Variants in BTBD9 observed in about 807,000 individuals in gnomAD.
The protein encoded by BTBD9 is BTB/POZ domain-containing protein 9.
BTBD9 carries 49 observed loss-of-function variants against 64.3 expected under a neutral mutation model. The ratio of observed to expected loss-of-function variants is 0.76; its 90% CI spans 0.61 to 0.97. The LOEUF is 0.97. Ranked by LOEUF, BTBD9 falls within the 50% of genes least tolerant of loss-of-function variation. The pLI is 0.00. For synonymous variants in BTBD9, 260 were observed against 274.7 expected (o/e 0.95, Z 0.53); for missense variants, 598 against 762.1 (o/e 0.78, Z 2.53).
intron 6 of BTBD9, among the ~76,000 whole-genome samples, chr6:38,532,964 A>G (rs1006765261): frequency 8.6e-5 from 13 of 152,012 alleles, no homozygotes; most frequent in African/African-American, 3.1e-4. Flanking sequence ...CTTCACTAAA[A>G]GGAAGACAGG....
chr6:38,495,362 T>A (rs368372140), intron 6 of BTBD9, among the ~76,000 whole-genome samples: 50 of 152,336 alleles, frequency 3.3e-4, no homozygotes, highest in Non-Finnish European at 7.1e-4. Flanking sequence ...TCTCCATCTA[T>A]TCTTACCAAC....
intron 6 of BTBD9, among the ~76,000 whole-genome samples, chr6:38,513,274 C>T (rs571281739): frequency 2.0e-5 from 3 of 152,040 alleles, no homozygotes; most frequent in East Asian, 1.9e-4. Context: ...GGTGAAACCC[C>T]GTCTCTACTA....
At chr6:38,526,399 G>A (rs1773493736) in intron 6 of BTBD9, among the ~76,000 whole-genome samples, 1 of 152,256 alleles carries the variant, frequency 6.6e-6, no homozygotes, top group Admixed American at 6.5e-5. Context: ...TCTGCTGCAG[G>A]GGCAGAGCCC....
chr6:38,449,754 GA>G (rs527382776), intron 6 of BTBD9, among the ~76,000 whole-genome samples: 36 of 144,458 alleles, frequency 2.5e-4, no homozygotes, highest in South Asian at 1.3e-3. Flanking sequence ...TTTTAAAAAA[GA>G]AAAAAAAAAG....
chr6:38,347,863 G>A (rs1337941501), intron 6 of BTBD9, among the ~76,000 whole-genome samples: 2 of 152,140 alleles, frequency 1.3e-5, no homozygotes, highest in East Asian at 1.9e-4. Flanking sequence ...CAGGCTTGGT[G>A]GCACGTGCCT....
At chr6:38,525,282 AAAG>A (rs2127423614) in intron 6 of BTBD9, among the ~76,000 whole-genome samples, 1 of 152,278 alleles carries the variant, frequency 6.6e-6, no homozygotes, top group East Asian at 1.9e-4. Flanking sequence ...GCAACCTTGT[AAAG>A]AAGGTGCCTG....
At chr6:38,275,960 A>C (rs529832586) in intron 8 of BTBD9, among the ~76,000 whole-genome samples, 1 of 152,232 alleles carries the variant, frequency 6.6e-6, no homozygotes, top group African/African-American at 2.4e-5. Flanking sequence ...GGGATCTAGA[A>C]CTAGAAATAC....
Position 38,587,215 on chromosome 6 carries a change from G to A in BTBD9, c.814+5361C>T, listed in dbSNP as rs143472880. ...ACTCCCTGCAACACCCCAGCCTGGCGGCCTGACATCGGCCCAGTCAGTGGA... is the reference window on the plus strand; with the variant it reads ...ACTCCCTGCAACACCCCAGCCTGGCAGCCTGACATCGGCCCAGTCAGTGGA... On this transcript the variant is annotated intron_variant, in intron 4 of 10. Transcript: ENST00000481247. 1.6e-3 allele frequency: 320 copies of A among 206,172 alleles called. 5 individuals are homozygous for A. The highest frequency in any genetic ancestry group is 7.0e-3 in the African/African-American group (295 of 42,070). The allele number at this position is 206,172 out of a possible 1,614,324, so 12.8% of individuals were successfully genotyped here.
At chr6:38,542,899 G>A (rs952425299) in intron 6 of BTBD9, among the ~76,000 whole-genome samples, 6 of 152,186 alleles carry the variant, frequency 3.9e-5, no homozygotes, top group South Asian at 2.1e-4. Context: ...GAAAGCAAAC[G>A]AGTTTGTGAA....
At chr6:38,400,332 T>C (rs1766872102) in intron 6 of BTBD9, among the ~76,000 whole-genome samples, 1 of 152,140 alleles carries the variant, frequency 6.6e-6, no homozygotes, top group Non-Finnish European at 1.5e-5. Flanking sequence ...CTAGAGCCCA[T>C]AGTTTATATA....
At chr6:38,469,186 A>C (rs1179486324) in intron 6 of BTBD9, among the ~76,000 whole-genome samples, 1 of 152,132 alleles carries the variant, frequency 6.6e-6, no homozygotes, top group African/African-American at 2.4e-5. Flanking sequence ...ACCATATTTC[A>C]CTGACTTTCA....
intron 6 of BTBD9, among the ~76,000 whole-genome samples, chr6:38,555,153 A>G (rs1774960011): frequency 6.6e-6 from 1 of 152,214 alleles, no homozygotes; most frequent in South Asian, 2.1e-4. Context: ...ACTCTTCTAG[A>G]ATAGATTATT....
intron 9 of BTBD9, among the ~76,000 whole-genome samples, chr6:38,225,528 T>C (rs1763364117): frequency 6.6e-6 from 1 of 152,226 alleles, no homozygotes; most frequent in Admixed American, 6.5e-5. Context: ...ACTGTTAATA[T>C]GTGCCAGGCA....
At chr6:38,526,649 C>A (rs1773510742) in intron 6 of BTBD9, among the ~76,000 whole-genome samples, 1 of 152,238 alleles carries the variant, frequency 6.6e-6, no homozygotes, top group Non-Finnish European at 1.5e-5. Context: ...TTGCATCAGT[C>A]AGCATGCCCC....
chr6:38,275,914 T>G (rs1471103730), intron 8 of BTBD9, among the ~76,000 whole-genome samples: 1 of 151,752 alleles, frequency 6.6e-6, no homozygotes, highest in Non-Finnish European at 1.5e-5. Flanking sequence ...TGTAAACTAG[T>G]TCAACCATTG....
At chr6:38,449,986 C>A (rs537568339) in intron 6 of BTBD9, among the ~76,000 whole-genome samples, 3 of 152,084 alleles carry the variant, frequency 2.0e-5, no homozygotes, top group Non-Finnish European at 4.4e-5. Context: ...CATTCCAGCA[C>A]TATTCATAAC....
intron 1 of BTBD9, among the ~76,000 whole-genome samples, chr6:38,621,032 G>A (rs1306712121): frequency 2.6e-5 from 4 of 152,130 alleles, no homozygotes; most frequent in South Asian, 2.1e-4. Context: ...TCAGACTCAC[G>A]GGACAACCCC....
At chr6:38,389,296 G>A (rs1766310793) in intron 6 of BTBD9, among the ~76,000 whole-genome samples, 1 of 152,004 alleles carries the variant, frequency 6.6e-6, no homozygotes, top group East Asian at 1.9e-4. Flanking sequence ...CTGTTTCATG[G>A]CTTGATACAC....
chr6:38,278,542 G>A (rs529473306), intron 8 of BTBD9, among the ~76,000 whole-genome samples: 82 of 152,294 alleles, frequency 5.4e-4, no homozygotes, highest in African/African-American at 1.9e-3. Flanking sequence ...GCAGGATCAC[G>A]AAACAAATTA....
Sources: gnomAD v4.1 joint callset for allele counts (sites outside exome capture counted in the v4.1 genomes callset) on GRCh38, gnomAD v4.1.1 for gene constraint, MANE v1.5 for transcripts, NCBI Gene and HGNC (gene_info 2026-07-23, HGNC 2026-07-21) for gene names.